Variants in CDH13 observed in about 807,000 individuals in gnomAD.
CDH13 encodes cadherin 13, also known as cadherin-13.
CDH13 carries 24 observed loss-of-function variants against 63.8 expected under a neutral mutation model. That is an observed-to-expected ratio of 0.38 (90% CI 0.27 to 0.53). The LOEUF is 0.53. Among genes scored for constraint, CDH13 ranks in the 20% least tolerant of loss-of-function variants. The probability of loss-of-function intolerance (pLI) is 0.85; values close to 1 mark genes in which losing one functional copy is unlikely to be tolerated. For missense variants in CDH13, 1,049 were observed against 903.1 expected (o/e 1.16, Z -2.07); for synonymous variants, 503 against 355.3 (o/e 1.42, Z -4.67).
chr16:82,849,508 T>A (rs2039395568), intron 1 of CDH13, among the ~76,000 whole-genome samples: 2 of 151,870 alleles, frequency 1.3e-5, no homozygotes, highest in African/African-American at 4.8e-5. Context: ...CTCAAAAAAA[T>A]AAATAAATAA....
At chr16:83,554,037 C>T (rs1396268724) in intron 7 of CDH13, among the ~76,000 whole-genome samples, 1 of 152,018 alleles carries the variant, frequency 6.6e-6, no homozygotes, top group South Asian at 2.1e-4. Context: ...CTTAATAATG[C>T]CTAGGAATGG....
chr16:82,911,131 C>T (rs1047849024), intron 2 of CDH13, among the ~76,000 whole-genome samples: 8 of 152,194 alleles, frequency 5.3e-5, no homozygotes, highest in African/African-American at 1.9e-4. Context: ...CAGAACCAAA[C>T]CAGAGCTTTG....
rs970864066 is a variant in CDH13, at chr16:83,483,525, T to C, written c.782-2952T>C. On this transcript the variant is annotated intron_variant, in intron 6 of 13. Coordinates refer to ENST00000567109, the MANE Select transcript of CDH13 (RefSeq NM_001257.5). ...TGCATATGTCAGTTGCAAGCCATGA[T>C]GACTTCATTTTTATACCTTCCATGA... is the stretch of plus-strand genomic sequence containing the variant. 7.2e-5 allele frequency among the ~76,000 whole-genome samples: 11 copies of C among 152,132 alleles called. No individual in the cohort carries two copies. In the South Asian group the frequency reaches 2.3e-3, roughly 32 times the overall value.
intron 11 of CDH13, among the ~76,000 whole-genome samples, chr16:83,764,840 C>G (rs1032164848): frequency 1.3e-5 from 2 of 152,220 alleles, no homozygotes; most frequent in Admixed American, 6.5e-5. Context: ...GCCTCCATGA[C>G]AGTCCTGGCC....
chr16:82,637,664 C>A (rs34041966), intron 1 of CDH13: 6,617 of 151,362 alleles, frequency 0.044, 250 homozygotes, highest in East Asian at 0.23. Context: ...GTCTCGATCT[C>A]CTGACCTCGT....
intron 11 of CDH13, among the ~76,000 whole-genome samples, chr16:83,771,805 G>A (rs555578848): frequency 2.0e-5 from 3 of 152,154 alleles, no homozygotes; most frequent in Non-Finnish European, 4.4e-5. Flanking sequence ...CCAGATATCT[G>A]TGCCTACAAG....
chr16:83,092,976 A>C (rs2033992762), intron 3 of CDH13, among the ~76,000 whole-genome samples: 1 of 152,212 alleles, frequency 6.6e-6, no homozygotes, highest in African/African-American at 2.4e-5. Context: ...TTAGTAAGGA[A>C]GGCACTGTGA....
chr16:83,567,351 T>A (rs1328270945), intron 7 of CDH13, among the ~76,000 whole-genome samples: 1 of 152,170 alleles, frequency 6.6e-6, no homozygotes, highest in African/African-American at 2.4e-5. Context: ...TAGAGATAAA[T>A]CAGAGATGAA....
At chr16:83,124,268 A>ACTC (rs1178094498) in intron 3 of CDH13, among the ~76,000 whole-genome samples, 1 of 151,876 alleles carries the variant, frequency 6.6e-6, no homozygotes. Flanking sequence ...CTGGTCTCGA[A>ACTC]CTCCTGACCT....
intron 2 of CDH13, among the ~76,000 whole-genome samples, chr16:82,961,346 T>C (rs916312442): frequency 5.3e-5 from 8 of 152,144 alleles, no homozygotes; most frequent in Admixed American, 5.2e-4. Context: ...CACTAACCTA[T>C]GGTTCTGGGG....
intron 3 of CDH13, among the ~76,000 whole-genome samples, chr16:83,075,415 T>C (rs562421489): frequency 1.3e-5 from 2 of 152,288 alleles, no homozygotes; most frequent in African/African-American, 4.8e-5. Flanking sequence ...GGGTTCTTCT[T>C]TCCCAGTCAT....
intron 5 of CDH13, among the ~76,000 whole-genome samples, chr16:83,294,961 C>T (rs997603779): frequency 2.6e-5 from 4 of 152,116 alleles, no homozygotes; most frequent in Admixed American, 2.6e-4. Context: ...GTAGGTATCA[C>T]ACTACCTGAC....
At chr16:83,390,034 G>T (rs180941630) in intron 6 of CDH13, among the ~76,000 whole-genome samples, 1 of 149,580 alleles carries the variant, frequency 6.7e-6, no homozygotes, top group African/African-American at 2.5e-5. Context: ...TTGCAGCTGG[G>T]GCCTTAGCTA....
intron 2 of CDH13, among the ~76,000 whole-genome samples, chr16:82,925,140 C>T (rs1195858551): frequency 6.6e-6 from 1 of 152,100 alleles, no homozygotes; most frequent in Admixed American, 6.5e-5. Context: ...AGGGCAGAGC[C>T]AACCAGAGCC....
At chr16:83,110,894 G>C (rs746473534) in intron 3 of CDH13, among the ~76,000 whole-genome samples, 8 of 147,158 alleles carry the variant, frequency 5.4e-5, no homozygotes, top group Non-Finnish European at 1.0e-4. Flanking sequence ...GACTTTTCCT[G>C]TTTTCTTGTT....
intron 1 of CDH13, among the ~76,000 whole-genome samples, chr16:82,768,867 C>G (rs2035159491): frequency 6.6e-6 from 1 of 152,178 alleles, no homozygotes; most frequent in African/African-American, 2.4e-5. Flanking sequence ...CCGCAGGCTC[C>G]CTTTCACACC....
intron 2 of CDH13, among the ~76,000 whole-genome samples, chr16:82,986,994 T>C (rs562942448): frequency 6.6e-6 from 1 of 152,310 alleles, no homozygotes; most frequent in African/African-American, 2.4e-5. Context: ...CTTATCTTGA[T>C]GGAATTAGAA....
At chr16:83,726,997 A>G (rs7198617) in intron 10 of CDH13, among the ~76,000 whole-genome samples, 63,793 of 151,956 alleles carry the variant, frequency 0.42, 13,530 homozygotes, top group East Asian at 0.68. Context: ...TATCTTTCCC[A>G]TGTATAACAG....
chr16:83,255,572 C>G (rs746693027), intron 5 of CDH13, among the ~76,000 whole-genome samples: 7 of 152,212 alleles, frequency 4.6e-5, no homozygotes, highest in Non-Finnish European at 1.0e-4. Context: ...TTGGCTCTTT[C>G]TACAAGGGCT....
Sources: gnomAD v4.1 joint callset for allele counts (sites outside exome capture counted in the v4.1 genomes callset) on GRCh38, gnomAD v4.1.1 for gene constraint, MANE v1.5 for transcripts, NCBI Gene and HGNC (gene_info 2026-07-23, HGNC 2026-07-21) for gene names.